Variants in AUTS2 observed in about 807,000 individuals in gnomAD.
The protein encoded by AUTS2 is activator of transcription and developmental regulator AUTS2.
Under a neutral mutation model 112.4 loss-of-function variants are expected in AUTS2, and 17 were observed. That is an observed-to-expected ratio of 0.15 (90% CI 0.10 to 0.23). AUTS2 has a LOEUF of 0.23. AUTS2 is among the 10% of genes least tolerant of loss of function. The pLI is 1.00. For synonymous variants in AUTS2, 751 were observed against 702.7 expected, an observed-to-expected ratio of 1.07 and a Z score of -1.09; for missense variants, 1,510 against 1,701.6, an observed-to-expected ratio of 0.89 and a Z score of 1.98.
At chr7:70,633,494 C>G (rs984003324) in intron 5 of AUTS2, among the ~76,000 whole-genome samples, 5 of 151,612 alleles carry the variant, frequency 3.3e-5, no homozygotes, top group African/African-American at 1.2e-4. Flanking sequence ...ATCTGTAATC[C>G]CAGCTGCTCG....
chr7:70,580,606 C>A (rs962473720), intron 5 of AUTS2, among the ~76,000 whole-genome samples: 1 of 152,198 alleles, frequency 6.6e-6, no homozygotes, highest in Non-Finnish European at 1.5e-5. Context: ...TGTTCGTCAA[C>A]CTTTTTCTCT....
At chr7:70,378,883 T>C (rs1347474241) in intron 4 of AUTS2, among the ~76,000 whole-genome samples, 1 of 152,252 alleles carries the variant, frequency 6.6e-6, no homozygotes, top group Non-Finnish European at 1.5e-5. Context: ...TATAAGTATA[T>C]GATTCAGAAA....
chr7:69,939,213 A>G (rs931106599), intron 2 of AUTS2, among the ~76,000 whole-genome samples: 6 of 152,168 alleles, frequency 3.9e-5, no homozygotes, highest in Non-Finnish European at 7.3e-5. Flanking sequence ...TGAACAATGA[A>G]TTTGGTGCAC....
chr7:70,167,885 A>G, intron 4 of AUTS2, among the ~76,000 whole-genome samples: 1 of 152,244 alleles, frequency 6.6e-6, no homozygotes, highest in East Asian at 1.9e-4. Flanking sequence ...GGCATTTAAA[A>G]AATATACAGA....
intron 2 of AUTS2, among the ~76,000 whole-genome samples, chr7:70,004,217 T>A (rs1001911472): frequency 7.3e-6 from 1 of 136,330 alleles, no homozygotes; most frequent in Non-Finnish European, 1.5e-5. Context: ...ATGAATGTGT[T>A]ATATGTGAAT....
chr7:69,918,226 CCA>C (rs1795669550), intron 2 of AUTS2, among the ~76,000 whole-genome samples: 1 of 152,072 alleles, frequency 6.6e-6, no homozygotes, highest in African/African-American at 2.4e-5. Context: ...TTTTAGAGGA[CCA>C]GTCTTTTACA....
intron 4 of AUTS2, among the ~76,000 whole-genome samples, chr7:70,359,163 G>A (rs1343315872): frequency 1.3e-5 from 2 of 152,206 alleles, no homozygotes; most frequent in East Asian, 1.9e-4. Context: ...CAAGAGTCCA[G>A]AGAAGAAACA....
At chr7:70,308,507 G>A (rs1007633183) in intron 4 of AUTS2, among the ~76,000 whole-genome samples, 9 of 152,128 alleles carry the variant, frequency 5.9e-5, no homozygotes, top group South Asian at 2.1e-4. Flanking sequence ...TTAAAAGTGC[G>A]GCTGAAGTTA....
intron 1 of AUTS2, among the ~76,000 whole-genome samples, chr7:69,615,217 G>A (rs752077038): frequency 6.6e-6 from 1 of 152,196 alleles, no homozygotes; most frequent in Non-Finnish European, 1.5e-5. Flanking sequence ...GAAACATAGT[G>A]TGAAGATGGG....
chr7:70,483,392 C>T (rs1797866715), intron 5 of AUTS2, among the ~76,000 whole-genome samples: 1 of 152,214 alleles, frequency 6.6e-6, no homozygotes, highest in African/African-American at 2.4e-5. Flanking sequence ...CTCGGCTTCC[C>T]TCTTCCAGAA....
rs79241912 is a variant in AUTS2, at chr7:69,855,341, G to C, written c.310-43945G>C. Among the ~76,000 whole-genome samples the C allele has an allele frequency of 9.2e-5, 14 of 152,102 alleles. No homozygotes were observed. The East Asian group carries it at 2.7e-3, about 29-fold the overall frequency. ...TGTGGTATCACGGAATTTTATTATTGGACAGGCTAATAGAGATCTGTTTGA... is the reference window on the plus strand; with the variant it reads ...TGTGGTATCACGGAATTTTATTATTCGACAGGCTAATAGAGATCTGTTTGA... On this transcript the variant is annotated intron_variant, in intron 1 of 18. Coordinates refer to ENST00000342771, the MANE Select transcript of AUTS2 (RefSeq NM_015570.4).
intron 2 of AUTS2, among the ~76,000 whole-genome samples, chr7:69,921,637 G>A (rs937486001): frequency 4.6e-5 from 7 of 151,374 alleles, no homozygotes; most frequent in Non-Finnish European, 1.0e-4. Context: ...CAGGCTTGGT[G>A]GTGTGTGCCT....
At chr7:70,398,343 G>GCTC (rs1794177254) in intron 4 of AUTS2, among the ~76,000 whole-genome samples, 1 of 152,142 alleles carries the variant, frequency 6.6e-6, no homozygotes, top group Non-Finnish European at 1.5e-5. Flanking sequence ...ACTCTGAGGA[G>GCTC]AATTAATACC....
intron 2 of AUTS2, among the ~76,000 whole-genome samples, chr7:70,026,356 G>A (rs1033074024): frequency 6.6e-6 from 1 of 152,178 alleles, no homozygotes; most frequent in Non-Finnish European, 1.5e-5. Flanking sequence ...ACTTTGAAGT[G>A]GAATTGGGCA....
At chr7:70,684,544 T>TGTGGCATGGC in intron 5 of AUTS2, among the ~76,000 whole-genome samples, 1 of 147,708 alleles carries the variant, frequency 6.8e-6, no homozygotes, top group African/African-American at 2.6e-5. Context: ...TGTGGTGTGG[T>TGTGGCATGGC]GTGGCGTGGC....
At chr7:70,404,032 A>G (rs1164598767) in intron 4 of AUTS2, among the ~76,000 whole-genome samples, 1 of 152,182 alleles carries the variant, frequency 6.6e-6, no homozygotes, top group Non-Finnish European at 1.5e-5. Flanking sequence ...GAGAATTTGA[A>G]TGTCTTCTGC....
At chr7:70,717,859 T>C (rs1810465283) in intron 6 of AUTS2, among the ~76,000 whole-genome samples, 1 of 152,136 alleles carries the variant, frequency 6.6e-6, no homozygotes, top group African/African-American at 2.4e-5. Flanking sequence ...ATGCAATTAT[T>C]TTAAAGGCAT....
At chr7:70,294,595 C>T (rs1257662579) in intron 4 of AUTS2, among the ~76,000 whole-genome samples, 3 of 152,184 alleles carry the variant, frequency 2.0e-5, no homozygotes, top group African/African-American at 7.2e-5. Flanking sequence ...TGCTTTGCAT[C>T]CAAAATGCCC....
chr7:69,752,510 A>G (rs988087991), intron 1 of AUTS2, among the ~76,000 whole-genome samples: 2 of 152,228 alleles, frequency 1.3e-5, no homozygotes, highest in African/African-American at 4.8e-5. Context: ...TTTGCCAATA[A>G]AAGGATAAGT....
Sources: gnomAD v4.1 joint callset for allele counts (sites outside exome capture counted in the v4.1 genomes callset) on GRCh38, gnomAD v4.1.1 for gene constraint, MANE v1.5 for transcripts, NCBI Gene and HGNC (gene_info 2026-07-23, HGNC 2026-07-21) for gene names.